The following PIK3C2B variants were observed in gnomAD, a reference collection of about 807,000 sequenced individuals.
PIK3C2B encodes phosphatidylinositol 4-phosphate 3-kinase C2 domain-containing subunit beta.
In PIK3C2B, 83 loss-of-function variants were observed where a neutral mutation model predicts 184.3. The ratio of observed to expected loss-of-function variants is 0.45; its 90% CI spans 0.38 to 0.54. PIK3C2B has a LOEUF of 0.54. Among genes scored for constraint, PIK3C2B ranks in the 20% least tolerant of loss-of-function variants. PIK3C2B has a pLI of 0.00. For synonymous variants in PIK3C2B, 779 were observed against 837.6 expected (o/e 0.93, Z 1.21); for missense variants, 1,736 against 2,113.5 (o/e 0.82, Z 3.50).
chr1:204,478,104 G>C (rs558284047), intron 1 of PIK3C2B, among the ~76,000 whole-genome samples: 1 of 152,126 alleles, frequency 6.6e-6, no homozygotes, highest in Admixed American at 6.6e-5. Context: ...TCAGCTCTAG[G>C]ACTTCCCCAG....
intron 1 of PIK3C2B, among the ~76,000 whole-genome samples, chr1:204,481,151 A>C (rs1572396118): frequency 5.5e-5 from 7 of 127,684 alleles, no homozygotes; most frequent in African/African-American, 9.3e-5. Context: ...TACCCCTCAC[A>C]CCCTCCCCAT....
intron 31 of PIK3C2B, 147 bp from the exon 32 acceptor site, chr1:204,425,888 C>T (rs1218548459): frequency 1.3e-5 from 9 of 700,158 alleles, no homozygotes; most frequent in Admixed American, 5.4e-5. Context: ...TGCTTCCAAG[C>T]TCACTCTATT....
Position 204,422,671 on chromosome 1 carries a change from C to T in PIK3C2B, c.*2181G>A, listed in dbSNP as rs978132351. On this transcript the variant is annotated 3_prime_UTR_variant, in exon 33 of 33. Coordinates refer to ENST00000684373, the MANE Select transcript of PIK3C2B (RefSeq NM_001377334.1). ...TGTCATTTATTAGAAAATACAATTCCCGAGAAAGGAGATACAAGGGATTCT... is the reference window on the plus strand; with the variant it reads ...TGTCATTTATTAGAAAATACAATTCTCGAGAAAGGAGATACAAGGGATTCT... 5 of 152,164 alleles carry T rather than the reference C, an allele frequency of 3.3e-5. No homozygotes were observed. The highest frequency in any genetic ancestry group is 7.3e-5 in the African/African-American group (3 of 41,294). The allele number at this position is 152,164 out of a possible 1,614,324, so 9.4% of individuals were successfully genotyped here.
At position 204,465,671 on chromosome 1, in the gene PIK3C2B, C is replaced by T. The variant is rs930354299; in HGVS notation, c.934-352G>A. Reference sequence around the variant, plus strand: ...GCTTTCCGGGGGATTCTCCCAGAGGCGTGACAGGGAGCAGAGCAGACAGCT... The same window carrying T: ...GCTTTCCGGGGGATTCTCCCAGAGGTGTGACAGGGAGCAGAGCAGACAGCT... On this transcript the variant is annotated intron_variant, in intron 2 of 32. Coordinates refer to ENST00000684373, the MANE Select transcript of PIK3C2B (RefSeq NM_001377334.1). Among the ~76,000 whole-genome samples, 16 of 152,310 alleles carry T rather than the reference C, an allele frequency of 1.1e-4. No homozygotes were observed. The East Asian group carries it at 2.1e-3, about 20-fold the overall frequency.
At chr1:204,461,985 C>A (rs1655371416) in intron 5 of PIK3C2B, among the ~76,000 whole-genome samples, 3 of 152,136 alleles carry the variant, frequency 2.0e-5, no homozygotes, top group African/African-American at 7.2e-5. Flanking sequence ...CCATCCCAGG[C>A]AGTTGTCATG....
chr1:204,425,943 A>G (rs1674718222), intron 31 of PIK3C2B, among the ~76,000 whole-genome samples: 1 of 152,250 alleles, frequency 6.6e-6, no homozygotes, highest in Non-Finnish European at 1.5e-5. Context: ...CTATTAAAAC[A>G]TCAATTGGTT....
At chr1:204,443,781 G>A (rs915105250) in intron 18 of PIK3C2B, among the ~76,000 whole-genome samples, 184 bp from the exon 19 acceptor site, 9 of 152,206 alleles carry the variant, frequency 5.9e-5, no homozygotes, top group Non-Finnish European at 1.3e-4. Context: ...CCCAGTCTGT[G>A]CCCTCACTCT....
At chr1:204,451,982 G>C (rs1279812642) in intron 12 of PIK3C2B, among the ~76,000 whole-genome samples, 1 of 152,208 alleles carries the variant, frequency 6.6e-6, no homozygotes, top group Non-Finnish European at 1.5e-5. Context: ...CAGTAGGAAG[G>C]AGAGAATGAC....
chr1:204,437,752 C>T (rs894832607), intron 23 of PIK3C2B, among the ~76,000 whole-genome samples: 2 of 152,182 alleles, frequency 1.3e-5, no homozygotes, highest in African/African-American at 4.8e-5. Flanking sequence ...GAAAGAGTCA[C>T]ACCATTGACT....
Position 204,459,864 on chromosome 1 carries a change from G to A in PIK3C2B, c.1566+14C>T, listed in dbSNP as rs780721198. ...CTTTCGGGCAGCAGGGCCAGCCCCT[G>A]GATTCGTACTCACATCAGCCAGCAG... On this transcript the variant is annotated intron_variant, in intron 8 of 32. Coordinates refer to ENST00000684373, the MANE Select transcript of PIK3C2B (RefSeq NM_001377334.1). The A allele has an allele frequency of 1.2e-6, 2 of 1,610,996 alleles. No homozygotes were observed. The highest frequency in any genetic ancestry group is 1.7e-5 in the Admixed American group (1 of 59,990).
chr1:204,449,752 C>G, intron 13 of PIK3C2B, 98 bp downstream of exon 13: 1 of 1,163,788 alleles, frequency 8.6e-7, no homozygotes, highest in Non-Finnish European at 1.2e-6. Flanking sequence ...ATGGCCAACT[C>G]TCCCAAGGCG....
At chr1:204,472,846 G>T (rs1035947980) in intron 1 of PIK3C2B, among the ~76,000 whole-genome samples, 1 of 152,102 alleles carries the variant, frequency 6.6e-6, no homozygotes, top group Admixed American at 6.6e-5. Context: ...CTGTGGTAGG[G>T]TAATGGTATT....
At chr1:204,463,801 A>G (rs547583335) in intron 5 of PIK3C2B, among the ~76,000 whole-genome samples, 3 of 149,926 alleles carry the variant, frequency 2.0e-5, no homozygotes, top group Admixed American at 6.8e-5. Context: ...CTCTTTCCAC[A>G]GCAGACTTGG....
chr1:204,458,494 ATT>A (rs1158541930), intron 8 of PIK3C2B, among the ~76,000 whole-genome samples: 1,845 of 142,036 alleles, frequency 0.013, 53 homozygotes, highest in African/African-American at 0.046. Context: ...GGCTATGACA[ATT>A]TTTTTTTTTT....
intron 19 of PIK3C2B, 102 bp downstream of exon 19, chr1:204,443,314 CA>C: frequency 1.7e-6 from 2 of 1,201,738 alleles, no homozygotes. Context: ...GCTCCAAAAT[CA>C]AAAATCGTCA....
In PIK3C2B at chr1:204,430,055, G is replaced by A; in HGVS notation, c.4281-17C>T. On this transcript the variant is annotated splice_polypyrimidine_tract_variant and intron_variant, in intron 28 of 32. Coordinates refer to ENST00000684373, the MANE Select transcript of PIK3C2B (RefSeq NM_001377334.1). ...CTAGGGAAGCTGGCGTGGCAGCGTA[G>A]GCAGCGGGGATGCAGGAGGTGAAGA... is the stretch of plus-strand genomic sequence containing the variant. 1 of 1,525,506 alleles carries A rather than the reference G, an allele frequency of 6.6e-7. No homozygotes were observed. Among genetic ancestry groups the A allele is most frequent in the Non-Finnish European group, 9.0e-7 (1 of 1,108,290 alleles). 94.5% of individuals were successfully genotyped at this position (1,525,506 alleles called of 1,614,324 possible).
chr1:204,443,156 G>A (rs1675767271), intron 19 of PIK3C2B, among the ~76,000 whole-genome samples: 1 of 152,208 alleles, frequency 6.6e-6, no homozygotes, highest in Non-Finnish European at 1.5e-5. Flanking sequence ...CTTGTGCAAT[G>A]AACAACTTAC....
Position 204,424,844 on chromosome 1 carries a change from T to C in PIK3C2B, c.*8A>G. The C allele has an allele frequency of 6.2e-7, 1 of 1,613,580 alleles. No homozygotes were observed. The highest frequency in any genetic ancestry group is 8.5e-7 in the Non-Finnish European group (1 of 1,179,612). ...AGCCTGGGATGCTGGGTGGTGGCTC[T>C]GCTGGGCTCACAAGGTGCCATGACT... On this transcript the variant is annotated 3_prime_UTR_variant, in exon 33 of 33. Coordinates refer to ENST00000684373, the MANE Select transcript of PIK3C2B (RefSeq NM_001377334.1).
intron 1 of PIK3C2B, among the ~76,000 whole-genome samples, chr1:204,486,740 T>G (rs1411592537): frequency 6.6e-6 from 1 of 152,178 alleles, no homozygotes; most frequent in Non-Finnish European, 1.5e-5. Flanking sequence ...AAAAAAAGAT[T>G]ACCTCTTATT....
Sources: gnomAD v4.1 joint callset for allele counts (sites outside exome capture counted in the v4.1 genomes callset) on GRCh38, gnomAD v4.1.1 for gene constraint, MANE v1.5 for transcripts, NCBI Gene and HGNC (gene_info 2026-07-23, HGNC 2026-07-21) for gene names.